The following MAN2A2 variants were observed in gnomAD, a reference collection of about 807,000 sequenced individuals.
MAN2A2 encodes mannosidase alpha class 2A member 2.
MAN2A2 carries 79 observed loss-of-function variants against 126.8 expected under a neutral mutation model. That is an observed-to-expected ratio of 0.62 (90% CI 0.52 to 0.75). MAN2A2 has a LOEUF of 0.75. MAN2A2 is among the 30% of genes least tolerant of loss of function. The pLI is 0.00. For synonymous variants in MAN2A2, 671 were observed against 618.7 expected (o/e 1.08, Z -1.25); for missense variants, 1,392 against 1,522.4 (o/e 0.91, Z 1.43).
In MAN2A2 at chr15:90,904,319, A is replaced by G. The variant is rs1173937408; in HGVS notation, c.112A>G (p.Asn38Asp). The change falls in exon 2 of 23, where the codon AAT becomes GAT. Residue 38 changes from asparagine (N) to aspartate (D), a missense_variant. Transcript: ENST00000559717. ...GCAACACGATCCCACCCGACACCAGAATGGTGGGAACTTCCCCCGGGTGAG... is the reference window on the plus strand; with the variant it reads ...GCAACACGATCCCACCCGACACCAGGATGGTGGGAACTTCCCCCGGGTGAG... The part of the protein sequence containing the change: ...RVQHDPTRHQ[N>D]GGNFPRSQIS... The G allele has an allele frequency of 6.2e-7, 1 of 1,614,070 alleles. No individual in the cohort carries two copies. Among genetic ancestry groups the G allele is most frequent in the East Asian group, 2.2e-5 (1 of 44,868 alleles).
chr15:90,907,657 C>T (rs1025924436), intron 8 of MAN2A2, 162 bp downstream of exon 8: 3 of 647,114 alleles, frequency 4.6e-6, no homozygotes, highest in South Asian at 2.0e-5. Context: ...ATGGCTCTTG[C>T]AACCACCTTT....
chr15:90,904,012 G>T, intron 1 of MAN2A2, 178 bp from the exon 2 acceptor site: 1 of 687,272 alleles, frequency 1.5e-6, no homozygotes, highest in Non-Finnish European at 2.6e-6. Flanking sequence ...CCACCCTAGC[G>T]GCAGAGCTGC....
rs1326359937 is a variant in MAN2A2, at chr15:90,907,571, G to T, written c.1196+76G>T. The T allele has an allele frequency of 2.2e-6, 3 of 1,395,092 alleles. No homozygotes were observed. The African/African-American group carries it at 4.3e-5, about 20-fold the overall frequency. 86.4% of individuals were successfully genotyped at this position (1,395,092 alleles called of 1,614,324 possible). On this transcript the variant is annotated intron_variant, in intron 8 of 22. Transcript: ENST00000559717. ...CTGGTCTGGGCCGTGCCACGTGGAG[G>T]GTGGGCTCAGGTGGTGAGTTGAGGC...
At chr15:90,906,567 A>C in intron 6 of MAN2A2, 70 bp downstream of exon 6, 3 of 1,608,932 alleles carry the variant, frequency 1.9e-6, no homozygotes, top group Non-Finnish European at 2.5e-6. Flanking sequence ...TGTAAGGCAC[A>C]GGGATCGGCA....
At chr15:90,907,908 C>T (rs1248323074) in intron 8 of MAN2A2, among the ~76,000 whole-genome samples, 3 of 152,174 alleles carry the variant, frequency 2.0e-5, no homozygotes, top group Non-Finnish European at 4.4e-5. Context: ...ACAGACCTGT[C>T]CCTTTTGAGA....
intron 14 of MAN2A2, 23 bp from the exon 15 acceptor site, chr15:90,912,020 C>T: frequency 6.3e-7 from 1 of 1,594,916 alleles, no homozygotes; most frequent in South Asian, 1.1e-5. Context: ...GCCCCCACTT[C>T]CTCACCCCTC....
chr15:90,910,341 G>C (rs779428402), intron 10 of MAN2A2, 49 bp downstream of exon 10: 1 of 1,604,906 alleles, frequency 6.2e-7, no homozygotes, highest in Non-Finnish European at 8.5e-7. Context: ...GTCAGCCTTT[G>C]GGGTTTAAGG....
At position 90,912,091 on chromosome 15, in the gene MAN2A2, C is replaced by T. The variant is rs74039150; in HGVS notation, c.2158C>T (p.Leu720=). 27,165 of 1,613,286 alleles carry T rather than the reference C, an allele frequency of 0.017. 2,890 individuals are homozygous for T. In the African/African-American group the frequency reaches 0.27, roughly 16 times the overall value. Residue 720 remains leucine, a synonymous_variant, in exon 15 of 23, where the codon CTA becomes TTA. Transcript: ENST00000559717. ...LPALGLGVLQ[L]QLGLDGHRTL... is the part of the protein sequence containing the mutation. Reference sequence around the variant, plus strand: ...AGCCCTGGGCCTGGGCGTGCTGCAGCTACAGCTGGGCCTGGATGGGCACCG... The same window carrying T: ...AGCCCTGGGCCTGGGCGTGCTGCAGTTACAGCTGGGCCTGGATGGGCACCG...
chr15:90,910,734 G>A, intron 11 of MAN2A2, 51 bp downstream of exon 11: 1 of 1,608,458 alleles, frequency 6.2e-7, no homozygotes. Context: ...CTGTCCCAAA[G>A]AAAGGACATT....
At position 90,910,914 on chromosome 15, in the gene MAN2A2, G is replaced by C; in HGVS notation, c.1828G>C (p.Asp610His). 1.2e-6 allele frequency: 2 copies of C among 1,614,188 alleles called. No homozygotes were observed. The highest frequency in any genetic ancestry group is 1.7e-6 in the Non-Finnish European group (2 of 1,180,036). The change falls in exon 12 of 23, where the codon GAC (aspartate) becomes CAC (histidine). Residue 610 changes from aspartate (D) to histidine (H), a missense_variant. Transcript: ENST00000559717. ...TGCAGCCCACTATCTGGTGCTGGGGGACAAGGAGACCTACCACTTTGACCC... is the reference window on the plus strand; with the variant it reads ...TGCAGCCCACTATCTGGTGCTGGGGCACAAGGAGACCTACCACTTTGACCC... ...IHAAHYLVLG[D>H]KETYHFDPEA...
rs1218574812 is a variant in MAN2A2 at position 90,903,369 on chromosome 15, A to T, written c.-82A>T. 6.6e-6 allele frequency: 1 copy of T among 152,636 alleles called. No homozygotes were observed. The highest frequency in any genetic ancestry group is 1.5e-5 in the Non-Finnish European group (1 of 68,380). 9.5% of individuals were successfully genotyped at this position (152,636 alleles called of 1,614,324 possible). ...CTCGGCCCCAGGGCCCGCGGAGCAG[A>T]CTCCGGAGCGCGGTCCCGCCCACGC... is the stretch of plus-strand genomic sequence containing the variant. On this transcript the variant is annotated 5_prime_UTR_variant, in exon 1 of 23. Transcript: ENST00000559717.
At chr15:90,910,418 G>A in intron 10 of MAN2A2, 83 bp from the exon 11 acceptor site, 7 of 1,576,526 alleles carry the variant, frequency 4.4e-6, no homozygotes, top group Non-Finnish European at 4.3e-6. Context: ...GGAGGGGTGG[G>A]AAGGAAGGAG....
intron 5 of MAN2A2, 77 bp downstream of exon 5, chr15:90,906,093 T>C: frequency 6.3e-7 from 1 of 1,583,168 alleles, no homozygotes; most frequent in Non-Finnish European, 8.6e-7. Context: ...CCTTAAGCTA[T>C]GGGTGCCAAG....
rs558217456 is a variant in MAN2A2 at position 90,907,454 on chromosome 15, G to A, written c.1155G>A (p.Lys385=). The A allele has an allele frequency of 6.2e-7, 1 of 1,613,678 alleles. No homozygotes were observed. Among genetic ancestry groups the A allele is most frequent in the East Asian group, 2.2e-5 (1 of 44,890 alleles). ...GTGGGCGCATCAACTGCCCTTGGAA[G>A]GTGCCACCCCGGGCCATCACAGAGG... ...LPGGRINCPW[K]VPPRAITEAN... The change falls in exon 8 of 23, where the codon AAG becomes AAA. Residue 385 remains lysine, a synonymous_variant. Coordinates refer to ENST00000559717, the MANE Select transcript of MAN2A2 (RefSeq NM_006122.4).
Position 90,918,272 on chromosome 15 carries a change from G to A in MAN2A2, c.3073G>A (p.Ala1025Thr), listed in dbSNP as rs752188798. 8 of 1,614,010 alleles carry A rather than the reference G, an allele frequency of 5.0e-6. No homozygotes were observed. The highest frequency in any genetic ancestry group is 1.6e-4 in the Middle Eastern group (1 of 6,084). The change falls in exon 21 of 23, where the codon GCT (alanine) becomes ACT (threonine). Residue 1025 changes from alanine (A) to threonine (T), a missense_variant. Transcript: ENST00000559717. ...CATGTACCTGAACGCCCCGGCGCTC[G>A]CTCTGCCTGTAGCCAGGATGCAGCT... ...TSMYLNAPAL[A>T]LPVARMQLPG...
chr15:90,912,424 G>C, intron 15 of MAN2A2, 118 bp from the exon 16 acceptor site: 1 of 1,585,968 alleles, frequency 6.3e-7, no homozygotes, highest in Non-Finnish European at 8.6e-7. Context: ...CTCAGCTCCA[G>C]CCTGACAGCA....
Position 90,904,302 on chromosome 15 carries a change from A to G in MAN2A2, c.95A>G (p.Asp32Gly). ...CTCATGCTGGACCGAGTGCAACACG[A>G]TCCCACCCGACACCAGAATGGTGGG... ...LYLMLDRVQH[D>G]PTRHQNGGNF... is the part of the protein sequence containing the mutation. Residue 32 changes from aspartate (D) to glycine (G), a missense_variant, in exon 2 of 23, where the codon GAT becomes GGT. Transcript: ENST00000559717. 6.2e-7 allele frequency: 1 copy of G among 1,614,076 alleles called. No individual in the cohort carries two copies. Among genetic ancestry groups the G allele is most frequent in the East Asian group, 2.2e-5 (1 of 44,870 alleles).
intron 19 of MAN2A2, 26 bp downstream of exon 19, chr15:90,913,781 G>C (rs755136319): frequency 1.9e-6 from 3 of 1,563,816 alleles, no homozygotes; most frequent in African/African-American, 2.7e-5. Context: ...GAGTTCTGCA[G>C]AGGGTATCAG....
chr15:90,913,179 C>T, intron 17 of MAN2A2, 94 bp from the exon 18 acceptor site: 2 of 1,480,280 alleles, frequency 1.4e-6, no homozygotes, highest in Non-Finnish European at 1.8e-6. Context: ...TGGACAGAGC[C>T]TCTCCCCAGC....
Sources: gnomAD v4.1 joint callset for allele counts (sites outside exome capture counted in the v4.1 genomes callset) on GRCh38, gnomAD v4.1.1 for gene constraint, MANE v1.5 for transcripts, NCBI Gene and HGNC (gene_info 2026-07-23, HGNC 2026-07-21) for gene names.